Variants in HFM1 observed in about 807,000 individuals in gnomAD.
HFM1 encodes probable ATP-dependent DNA helicase HFM1.
HFM1 carries 169 observed loss-of-function variants against 192.1 expected under a neutral mutation model. That is an observed-to-expected ratio of 0.88 (90% CI 0.78 to 1.00). HFM1 has a LOEUF of 1.00. HFM1 is among the 50% of genes least tolerant of loss of function. The probability of loss-of-function intolerance (pLI) is 0.00; values close to 1 mark genes in which losing one functional copy is unlikely to be tolerated. For missense variants in HFM1, 1,661 were observed against 1,668.0 expected (o/e 1.00, Z 0.07); for synonymous variants, 525 against 537.8 (o/e 0.98, Z 0.33).
chr1:91,393,767 G>T (rs1221052643), intron 4 of HFM1, among the ~76,000 whole-genome samples: 4 of 152,058 alleles, frequency 2.6e-5, no homozygotes, highest in Non-Finnish European at 4.4e-5. Context: ...TCACTCCTCT[G>T]TTCAAACCCA....
rs1378226027 is a variant in HFM1 at position 91,284,817 on chromosome 1, C to G, written c.3392-7755G>C. 3.3e-5 allele frequency among the ~76,000 whole-genome samples: 5 copies of G among 152,092 alleles called. No individual in the cohort carries two copies. The South Asian group carries it at 8.3e-4, about 25-fold the overall frequency. ...TCCTCAAATTATACAAGAATTTTAT[C>G]TCTTGGAACTATAACCATATGTGAG... On this transcript the variant is annotated intron_variant, in intron 30 of 38. Transcript: ENST00000370425.
chr1:91,297,151 G>A (rs138760709), intron 30 of HFM1, among the ~76,000 whole-genome samples: 1,821 of 152,246 alleles, frequency 0.012, 41 homozygotes, highest in African/African-American at 0.041. Flanking sequence ...TATATCACGC[G>A]CCTGGCTCGG....
At chr1:91,281,358 C>G (rs1667447666) in intron 30 of HFM1, among the ~76,000 whole-genome samples, 1 of 152,158 alleles carries the variant, frequency 6.6e-6, no homozygotes, top group South Asian at 2.1e-4. Context: ...TAAGTTCACT[C>G]AATAGTTGAA....
intron 30 of HFM1, among the ~76,000 whole-genome samples, chr1:91,311,625 C>CAA (rs35661538): frequency 1.8e-4 from 22 of 125,598 alleles, no homozygotes; most frequent in Non-Finnish European, 2.7e-4. Flanking sequence ...GACTCCATCT[C>CAA]AAAAAAAAAA....
At chr1:91,264,359 GTATTTTTTTTTT>G (rs1665479873) in intron 36 of HFM1, among the ~76,000 whole-genome samples, 1 of 54,042 alleles carries the variant, frequency 1.9e-5, no homozygotes. Flanking sequence ...CACAAATTTA[GTATTTTTTTTTT>G]TTTTTTTTTT....
In HFM1 at chr1:91,262,276, A is replaced by G. The variant is rs773779864; in HGVS notation, c.4203T>C (p.Ile1401=). 7.0e-7 allele frequency: 1 copy of G among 1,437,998 alleles called. No individual in the cohort carries two copies. Among genetic ancestry groups the G allele is most frequent in the Admixed American group, 2.0e-5 (1 of 49,530 alleles). 89.1% of individuals were successfully genotyped at this position (1,437,998 alleles called of 1,614,324 possible). The part of the protein sequence containing the change: ...SSNYKKVDFF[I]RNSECKKEVD... The stretch of plus-strand genomic sequence containing the variant: ...CTTCCTTTTTACATTCACTGTTTCT[A>G]ATAAAAAAATCCACTTTTTTATAAT... The change falls in exon 38 of 39, where the codon ATT becomes ATC. Residue 1401 remains isoleucine (I), a synonymous_variant. Transcript: ENST00000370425.
chr1:91,284,895 C>A (rs1667797769), intron 30 of HFM1, among the ~76,000 whole-genome samples: 1 of 152,130 alleles, frequency 6.6e-6, no homozygotes. Context: ...TTGGCTGTGT[C>A]CTCACCCAAA....
intron 30 of HFM1, among the ~76,000 whole-genome samples, chr1:91,277,736 A>G (rs1164765363): frequency 8.1e-6 from 1 of 123,762 alleles, no homozygotes; most frequent in African/African-American, 3.3e-5. Flanking sequence ...ACTAATATAT[A>G]TAATATATAT....
At chr1:91,266,921 T>A (rs1665818506) in intron 35 of HFM1, among the ~76,000 whole-genome samples, 1 of 152,212 alleles carries the variant, frequency 6.6e-6, no homozygotes, top group African/African-American at 2.4e-5. Context: ...TAGGTAATTC[T>A]AAGGGCCCCC....
intron 15 of HFM1, 31 bp from the exon 16 acceptor site, chr1:91,352,682 G>A (rs757335225): frequency 5.9e-6 from 9 of 1,524,594 alleles, no homozygotes; most frequent in African/African-American, 1.4e-5. Context: ...GTAATTTTGA[G>A]CCATTTAACT....
In HFM1 at chr1:91,370,577, G is replaced by C. The variant is rs557942778; in HGVS notation, c.1685+4781C>G. ...AAAAACTCTCAATAAATTAGGTATT[G>C]ATTGGATGTATCTCAAAATAATAAG... is the stretch of plus-strand genomic sequence containing the variant. On this transcript the variant is annotated intron_variant, in intron 13 of 38. Coordinates refer to ENST00000370425, the MANE Select transcript of HFM1 (RefSeq NM_001017975.6). 2.4e-3 allele frequency among the ~76,000 whole-genome samples: 358 copies of C among 152,242 alleles called. 2 individuals are homozygous for C. The Middle Eastern group carries it at 0.024, about 10-fold the overall frequency.
chr1:91,277,950 T>TATAC (rs1667102652), intron 30 of HFM1, among the ~76,000 whole-genome samples: 1 of 125,350 alleles, frequency 8.0e-6, no homozygotes, highest in Non-Finnish European at 1.6e-5. Flanking sequence ...ATATATTATA[T>TATAC]TTTATATATA....
At chr1:91,277,468 C>T (rs1272035458) in intron 30 of HFM1, among the ~76,000 whole-genome samples, 1 of 148,198 alleles carries the variant, frequency 6.7e-6, no homozygotes, top group Non-Finnish European at 1.5e-5. Flanking sequence ...ACAAGCTTCT[C>T]TCAACCTCCC....
At chr1:91,385,142 A>T in intron 6 of HFM1, 45 bp downstream of exon 6, 1 of 1,061,926 alleles carries the variant, frequency 9.4e-7, no homozygotes, top group Non-Finnish European at 1.4e-6. Context: ...TAAAATTATG[A>T]TTTAATAAAT....
At chr1:91,328,323 A>C (rs1379475835) in intron 20 of HFM1, 6 of 1,484,114 alleles carry the variant, frequency 4.0e-6, no homozygotes, top group Non-Finnish European at 5.4e-6. Context: ...CCCTGAATCA[A>C]GCTTTAGCCG....
chr1:91,405,995 C>G (rs534893315), upstream of HFM1, among the ~76,000 whole-genome samples: 154 of 152,298 alleles, frequency 1.0e-3, 2 homozygotes, highest in Middle Eastern at 3.4e-3. Flanking sequence ...GAAATTCATA[C>G]ATTGAATTCT....
chr1:91,396,163 T>G (rs968000009), intron 3 of HFM1, 130 bp downstream of exon 3: 5 of 474,632 alleles, frequency 1.1e-5, no homozygotes, highest in Non-Finnish European at 1.9e-5. Flanking sequence ...TGAGTATACA[T>G]ATTTTGGGGG....
intron 13 of HFM1, among the ~76,000 whole-genome samples, chr1:91,370,346 A>G (rs1004687206): frequency 2.6e-5 from 4 of 152,208 alleles, no homozygotes; most frequent in African/African-American, 9.6e-5. Flanking sequence ...CCTCAATAAA[A>G]TACTGGCAAA....
Position 91,394,216 on chromosome 1 carries a change from G to A in HFM1, c.371C>T (p.Ala124Val). The A allele has an allele frequency of 6.3e-7, 1 of 1,598,752 alleles. No homozygotes were observed. The highest frequency in any genetic ancestry group is 1.3e-5 in the African/African-American group (1 of 74,712). The change falls in exon 4 of 39, where the codon GCT becomes GTT. Residue 124 changes from alanine (A) to valine (V), a missense_variant. Physicochemically the swap from Ala to Val is moderately conservative, Grantham distance 64. Transcript: ENST00000370425. Reference protein sequence around the residue: ...LSHIAGKLTYASQKYKNHIGT... With the variant: ...LSHIAGKLTYVSQKYKNHIGT... ...AATGTGATTTTTATATTTCTGAGAA[G>A]CATATGTCAGCTTGCCAGCAATATG... is the stretch of plus-strand genomic sequence containing the variant.
Sources: gnomAD v4.1 joint callset for allele counts (sites outside exome capture counted in the v4.1 genomes callset) on GRCh38, gnomAD v4.1.1 for gene constraint, MANE v1.5 for transcripts, NCBI Gene and HGNC (gene_info 2026-07-23, HGNC 2026-07-21) for gene names.